HLA-DQA1: variants seen among roughly 807,000 people sequenced by gnomAD.
The protein encoded by HLA-DQA1 is major histocompatibility complex, class II, DQ alpha 1.
A neutral mutation model predicts 20.7 loss-of-function variants in HLA-DQA1; 10 were observed. The ratio of observed to expected loss-of-function variants is 0.48; its 90% confidence interval spans 0.30 to 0.82. HLA-DQA1 has a LOEUF of 0.82. HLA-DQA1 is among the 40% of genes least tolerant of loss of function. The pLI, the probability that HLA-DQA1 is intolerant of heterozygous loss-of-function variation, is 0.07. For missense variants in HLA-DQA1, 127 were observed against 293.0 expected (o/e 0.43, Z 4.14); for synonymous variants, 39 against 109.2 (o/e 0.36, Z 4.01).
Position 32,642,016 on chromosome 6 carries a change from G to A in HLA-DQA1, c.376G>A (p.Gly126Ser), listed in dbSNP as rs1781461222. 3 of 1,550,408 alleles carry A rather than the reference G, an allele frequency of 1.9e-6. No homozygotes were observed. Among genetic ancestry groups the A allele is most frequent in the Non-Finnish European group, 2.6e-6 (3 of 1,152,004 alleles). The change falls in exon 3 of 5, where the codon GGT (glycine) becomes AGT (serine). Residue 126 changes from glycine (G) to serine (S), a missense_variant. Around this residue, in one of 4 missense-constraint regions of HLA-DQA1, gnomAD observed 30 missense variants for 39.9 expected, o/e 0.75. Coordinates refer to ENST00000343139, the MANE Select transcript of HLA-DQA1 (RefSeq NM_002122.5). ...GTTTTCCAAGTCTCCCGTGACACTG[G>A]GTCAGCCCAACACCCTCATTTGTCT... ...TVFSKSPVTLGQPNTLICLVD... is the reference protein window; with the variant it reads ...TVFSKSPVTLSQPNTLICLVD...
downstream of HLA-DQA1, chr6:32,644,327 C>T (rs9273057): frequency 0.28 from 41,917 of 151,930 alleles, 6,149 homozygotes; most frequent in East Asian, 0.35. Flanking sequence ...AAATACAAAA[C>T]ATTAATGCAA....
chr6:32,654,869 C>T, the HLA-DQA1 span, among the ~76,000 whole-genome samples: 8 of 93,794 alleles, frequency 8.5e-5, 3 homozygotes, highest in Non-Finnish European at 1.9e-4. Context: ...CCTGTCTCTA[C>T]TAAAAATACA....
At chr6:32,645,175 T>A (rs9273145), downstream of HLA-DQA1, 43,249 of 149,186 alleles carry the variant, frequency 0.29, 6,944 homozygotes, top group Middle Eastern at 0.48. Context: ...CAATGTAAGT[T>A]CATAAATTAT....
At chr6:32,648,466 G>A (rs1308041726), downstream of HLA-DQA1, among the ~76,000 whole-genome samples, 1 of 96,922 alleles carries the variant, frequency 1.0e-5, no homozygotes, top group Non-Finnish European at 2.3e-5. Flanking sequence ...GGGATGCAAG[G>A]CTGGTTCAAC....
chr6:32,644,204 C>T (rs1209689020), downstream of HLA-DQA1: 1 of 138,588 alleles, frequency 7.2e-6, no homozygotes, highest in Non-Finnish European at 1.6e-5. Context: ...GAGAAACTCT[C>T]ACAGAGGAAA....
chr6:32,646,929 G>C (rs17612475), downstream of HLA-DQA1: 1 of 123,102 alleles, frequency 8.1e-6, no homozygotes, highest in Non-Finnish European at 1.8e-5. Context: ...AACCAAATTT[G>C]TATGAGGCAA....
chr6:32,651,588 C>CAAAAA (rs70996710), downstream of HLA-DQA1, among the ~76,000 whole-genome samples: 1,359 of 15,254 alleles, frequency 0.089, 320 homozygotes, highest in Non-Finnish European at 0.097. Context: ...CGTCTCAAAG[C>CAAAAA]AAAAAAAAAA....
chr6:32,653,031 T>G, the HLA-DQA1 span, among the ~76,000 whole-genome samples: 3,321 of 139,080 alleles, frequency 0.024, 66 homozygotes, highest in East Asian at 0.05. Context: ...GGATTCTTCC[T>G]GGGAAGTGGA....
chr6:32,653,778 C>CTG, the HLA-DQA1 span, among the ~76,000 whole-genome samples: 1,575 of 78,922 alleles, frequency 0.02, 77 homozygotes, highest in Admixed American at 0.025. Flanking sequence ...GATAAAGAAA[C>CTG]TGGTCTATAT....
downstream of HLA-DQA1, among the ~76,000 whole-genome samples, chr6:32,652,003 A>G (rs1782203275): frequency 2.1e-5 from 2 of 96,160 alleles, 1 homozygote; most frequent in Admixed American, 2.6e-4. Context: ...ATAAATGTAG[A>G]CCTTTTCGGC....
chr6:32,641,192 A>G (rs9272683), intron 1 of HLA-DQA1, 118 bp from the exon 2 acceptor site: 18,573 of 587,722 alleles, frequency 0.032, 2,915 homozygotes, highest in Admixed American at 0.094. Context: ...ATGTCCACAG[A>G]CTGTGCCAAA....
chr6:32,653,923 T>C, the HLA-DQA1 span, among the ~76,000 whole-genome samples: 4 of 99,666 alleles, frequency 4.0e-5, 1 homozygote, highest in East Asian at 3.2e-4. Context: ...CTCACTTACA[T>C]GTGGAATCTA....
chr6:32,639,278 T>C (rs4713558), intron 1 of HLA-DQA1: 9,237 of 129,908 alleles, frequency 0.071, 2,013 homozygotes, highest in South Asian at 0.2. Flanking sequence ...TATTAGAGCC[T>C]AAGAAAATGT....
downstream of HLA-DQA1, among the ~76,000 whole-genome samples, chr6:32,651,829 A>AT: frequency 2.1e-5 from 2 of 94,692 alleles, 1 homozygote; most frequent in Non-Finnish European, 4.7e-5. Flanking sequence ...GAAATATATC[A>AT]TTTTCAAAAT....
downstream of HLA-DQA1, among the ~76,000 whole-genome samples, chr6:32,648,355 T>C (rs9501643): frequency 0.037 from 3,267 of 87,376 alleles, 1,112 homozygotes; most frequent in African/African-American, 0.12. Context: ...CCAATATGCC[T>C]GATGAACATC....
chr6:32,645,561 C>G (rs988497962), downstream of HLA-DQA1: 13 of 122,312 alleles, frequency 1.1e-4, no homozygotes, highest in African/African-American at 3.0e-4. Context: ...AACAGGCCAC[C>G]AACTGGTACT....
the HLA-DQA1 span, among the ~76,000 whole-genome samples, chr6:32,652,987 A>G: frequency 6.7e-6 from 1 of 148,976 alleles, no homozygotes. Context: ...GGTTTAGGAC[A>G]TTTATACCCC....
Position 32,641,447 on chromosome 6 carries a change from T to TTC in HLA-DQA1, c.221_222dup (p.Lys76AlafsTer12), listed in dbSNP as rs764189141. The TTC allele has an allele frequency of 0.015, 14,791 of 991,810 alleles. 5,081 individuals are homozygous for TTC. Among genetic ancestry groups the TTC allele is most frequent in the Admixed American group, 0.05 (1,276 of 25,376 alleles). 61.4% of individuals were successfully genotyped at this position (991,810 alleles called of 1,614,324 possible). A position where few individuals can be genotyped will look rare whatever the true frequency, so the allele number is the denominator to read the frequency against. ...GGAGACTGCCTGGCGGTGGCCTGAG[T>TTC]TCAGCAAATTTGGAGGTTTTGACCC... On this transcript the variant is annotated frameshift_variant, in exon 2 of 5. Transcript: ENST00000343139. LOFTEE classifies it high-confidence loss of function.
chr6:32,651,038 G>A (rs1391700693), downstream of HLA-DQA1, among the ~76,000 whole-genome samples: 8 of 83,916 alleles, frequency 9.5e-5, 3 homozygotes, highest in African/African-American at 2.5e-4. Flanking sequence ...ATAGGCGCCC[G>A]CCATCACGTC....
Sources: allele counts gnomAD v4.1 joint callset (sites outside exome capture counted in the v4.1 genomes callset), GRCh38; gene constraint gnomAD v4.1.1; regional missense constraint gnomAD v4.1.1; transcripts MANE v1.5; gene names NCBI Gene and HGNC (gene_info 2026-07-23, HGNC 2026-07-21).